Variants in APP observed in about 807,000 individuals in gnomAD.
The protein encoded by APP is amyloid beta precursor protein.
A neutral mutation model predicts 101.4 loss-of-function variants in APP; 31 were observed. The observed-to-expected ratio is 0.31, with a 90% CI of 0.23 to 0.41. APP has a LOEUF of 0.41. APP is among the 10% of genes least tolerant of loss of function. The pLI, the probability that APP is intolerant of heterozygous loss-of-function variation, is 1.00. For synonymous variants in APP, 366 were observed against 364.4 expected (o/e 1.00, Z -0.05); for missense variants, 839 against 1,003.7 (o/e 0.84, Z 2.22).
At chr21:26,004,816 C>CA (rs962107363) in intron 6 of APP, among the ~76,000 whole-genome samples, 3 of 147,660 alleles carry the variant, frequency 2.0e-5, no homozygotes, top group African/African-American at 7.6e-5. Flanking sequence ...CCCACCCCCC[C>CA]AACAGGCCCT....
rs191267488 is a variant in APP at position 26,116,618 on chromosome 21, C to G, written c.58-4472G>C. The stretch of plus-strand genomic sequence containing the variant: ...CAGGCTTGGCAGCATTCCTCCCCAA[C>G]AGGGTCTCAACTAGGAGGGAAAAGT... On this transcript the variant is annotated intron_variant, in intron 1 of 17. Transcript: ENST00000346798. Among the ~76,000 whole-genome samples, 86 of 152,276 alleles carry G rather than the reference C, an allele frequency of 5.6e-4. 1 individual carries two copies. The highest frequency in any genetic ancestry group is 4.4e-4 in the Non-Finnish European group (30 of 68,014).
intron 11 of APP, among the ~76,000 whole-genome samples, chr21:25,958,854 A>T (rs1038334547): frequency 1.3e-5 from 2 of 152,170 alleles, no homozygotes; most frequent in Admixed American, 1.3e-4. Flanking sequence ...AGTATATTAA[A>T]TGCTTTTTGC....
chr21:26,163,994 C>T (rs45619733), intron 1 of APP, among the ~76,000 whole-genome samples: 4 of 152,194 alleles, frequency 2.6e-5, no homozygotes, highest in East Asian at 1.9e-4. Flanking sequence ...CGCCTGTAAT[C>T]GCAGCACTTT....
chr21:25,948,375 T>A (rs1469788107), intron 13 of APP, among the ~76,000 whole-genome samples: 1 of 152,112 alleles, frequency 6.6e-6, no homozygotes, highest in African/African-American at 2.4e-5. Flanking sequence ...CATGCTGCAT[T>A]TTTCCTGAAG....
At chr21:25,945,038 G>A (rs2040745967) in intron 13 of APP, among the ~76,000 whole-genome samples, 1 of 152,220 alleles carries the variant, frequency 6.6e-6, no homozygotes, top group Non-Finnish European at 1.5e-5. Context: ...GGGAGACCAT[G>A]CCTCAGGCTC....
chr21:26,066,106 C>G (rs933666694), intron 3 of APP, among the ~76,000 whole-genome samples: 1 of 152,150 alleles, frequency 6.6e-6, no homozygotes, highest in African/African-American at 2.4e-5. Flanking sequence ...GCTTCTCAAG[C>G]TTTACAGTGC....
intron 16 of APP, among the ~76,000 whole-genome samples, chr21:25,896,868 A>G (rs968505481): frequency 1.2e-4 from 19 of 152,184 alleles, no homozygotes; most frequent in African/African-American, 4.3e-4. Context: ...GAATGAAAAG[A>G]AAGAGCTGGG....
intron 2 of APP, among the ~76,000 whole-genome samples, chr21:26,101,095 C>CTTT (rs35407047): frequency 6.4e-4 from 51 of 79,346 alleles, no homozygotes; most frequent in African/African-American, 1.9e-3. Context: ...TTTTTTTTTC[C>CTTT]TTTTTTTTTT....
intron 1 of APP, among the ~76,000 whole-genome samples, chr21:26,135,055 T>C (rs1470740112): frequency 2.0e-5 from 3 of 152,218 alleles, no homozygotes; most frequent in Non-Finnish European, 4.4e-5. Flanking sequence ...TATACAATAG[T>C]GCCCATCTCT....
At chr21:26,060,190 G>A (rs983860891) in intron 3 of APP, among the ~76,000 whole-genome samples, 5 of 152,178 alleles carry the variant, frequency 3.3e-5, no homozygotes, top group African/African-American at 1.2e-4. Flanking sequence ...ACCTACTGAA[G>A]ACACTGGGGT....
At chr21:25,904,233 T>C (rs2038665378) in intron 15 of APP, among the ~76,000 whole-genome samples, 1 of 152,240 alleles carries the variant, frequency 6.6e-6, no homozygotes, top group African/African-American at 2.4e-5. Flanking sequence ...AAGCACTGGC[T>C]ACTATCAGTT....
chr21:26,069,464 G>T (rs1231954105), intron 3 of APP, among the ~76,000 whole-genome samples: 1 of 152,090 alleles, frequency 6.6e-6, no homozygotes, highest in African/African-American at 2.4e-5. Context: ...ATCAGGGGAG[G>T]CTTCACTGCC....
intron 13 of APP, among the ~76,000 whole-genome samples, chr21:25,949,835 A>G (rs2146467583): frequency 6.6e-6 from 1 of 152,300 alleles, no homozygotes; most frequent in South Asian, 2.1e-4. Flanking sequence ...AGGCAGCAGA[A>G]AGAACACAGA....
intron 6 of APP, among the ~76,000 whole-genome samples, chr21:26,009,429 C>G (rs1466051564): frequency 1.3e-5 from 2 of 152,080 alleles, no homozygotes; most frequent in African/African-American, 4.8e-5. Context: ...CATATTAAGA[C>G]TATTGAAATA....
intron 1 of APP, among the ~76,000 whole-genome samples, chr21:26,129,879 G>C (rs1483372541): frequency 6.6e-6 from 1 of 152,092 alleles, no homozygotes; most frequent in Non-Finnish European, 1.5e-5. Flanking sequence ...CCCAATTTCT[G>C]AATTAAATTT....
intron 6 of APP, among the ~76,000 whole-genome samples, chr21:26,018,777 T>C (rs1336146576): frequency 1.3e-5 from 2 of 152,240 alleles, no homozygotes; most frequent in Non-Finnish European, 2.9e-5. Context: ...AAGGTTGCTT[T>C]TGTTGCTCTT....
Position 25,932,461 on chromosome 21 carries a change from T to C in APP, c.1688-20499A>G, listed in dbSNP as rs141387000. Among the ~76,000 whole-genome samples, 340 of 152,228 alleles carry C rather than the reference T, an allele frequency of 2.2e-3. 3 individuals carry two copies. The highest frequency in any genetic ancestry group is 7.4e-3 in the African/African-American group (307 of 41,544). ...CACTCACTCGAGAATGGATAACCTG[T>C]TTTCCCGCCTGGGGTAACTGCTTTC... On this transcript the variant is annotated intron_variant, in intron 13 of 17. Coordinates refer to ENST00000346798, the MANE Select transcript of APP (RefSeq NM_000484.4).
intron 14 of APP, among the ~76,000 whole-genome samples, chr21:25,909,787 C>A (rs1601370580): frequency 6.6e-6 from 1 of 152,210 alleles, no homozygotes; most frequent in African/African-American, 2.4e-5. Context: ...AGAAACAAAA[C>A]AATCTGCACT....
chr21:26,129,032 A>G (rs926169269), intron 1 of APP, among the ~76,000 whole-genome samples: 15 of 152,360 alleles, frequency 9.8e-5, no homozygotes, highest in Admixed American at 7.8e-4. Context: ...ATTACATGAC[A>G]TGAAGAATTG....
Sources: allele counts gnomAD v4.1 joint callset (sites outside exome capture counted in the v4.1 genomes callset), GRCh38; gene constraint gnomAD v4.1.1; transcripts MANE v1.5; gene names NCBI Gene and HGNC (gene_info 2026-07-23, HGNC 2026-07-21).